The following TET3 variants were observed in gnomAD, a reference collection of about 807,000 sequenced individuals.
The protein encoded by TET3 is tet methylcytosine dioxygenase 3, also known as methylcytosine dioxygenase TET3.
Under a neutral mutation model 141.4 loss-of-function variants are expected in TET3, and 19 were observed. That is an observed-to-expected ratio of 0.13 (90% CI 0.09 to 0.20). TET3 has a LOEUF of 0.20. Ranked by LOEUF, TET3 falls within the 10% of genes least tolerant of loss-of-function variation. TET3 has a pLI of 1.00. For synonymous variants in TET3, 1,043 were observed against 980.9 expected (o/e 1.06, Z -1.18); for missense variants, 1,874 against 2,356.9 (o/e 0.80, Z 4.24).
At chr2:74,026,105 C>T (rs1410556113) in intron 3 of TET3, among the ~76,000 whole-genome samples, 1 of 152,140 alleles carries the variant, frequency 6.6e-6, no homozygotes, top group Non-Finnish European at 1.5e-5. Flanking sequence ...TCTGCTCTCC[C>T]CTTTGCCCCT....
chr2:74,014,013 T>C (rs1300938569), intron 3 of TET3, among the ~76,000 whole-genome samples: 4 of 152,176 alleles, frequency 2.6e-5, no homozygotes, highest in African/African-American at 9.6e-5. Context: ...GGTTTTTTTT[T>C]AACTTTCTTC....
In TET3 at chr2:74,043,426, C is replaced by T. The variant is rs918747150; in HGVS notation, c.361-2852C>T. ...TCATTGAGATTTGGACCCTGCCTGC[C>T]TGGAGCCACCATCAAGTGGGGGAGG... is the stretch of plus-strand genomic sequence containing the variant. On this transcript the variant is annotated intron_variant, in intron 3 of 11. Transcript: ENST00000409262. Among the ~76,000 whole-genome samples, 6 of 152,156 alleles carry T rather than the reference C, an allele frequency of 3.9e-5. No individual in the cohort carries two copies. The East Asian group carries it at 9.6e-4, about 24-fold the overall frequency.
In TET3 at chr2:74,058,868, A is replaced by G. The variant is rs1688350226; in HGVS notation, c.2494+10457A>G. 2.0e-5 allele frequency among the ~76,000 whole-genome samples: 3 copies of G among 152,238 alleles called. No homozygotes were observed. The South Asian group carries it at 6.2e-4, about 31-fold the overall frequency. ...GTTTTTATGTTTTTAAATGGTTGAAAAAAAAAGTCAGTTGAAGAATAACAT... is the reference window on the plus strand; with the variant it reads ...GTTTTTATGTTTTTAAATGGTTGAAGAAAAAAGTCAGTTGAAGAATAACAT... On this transcript the variant is annotated intron_variant, in intron 4 of 11. Coordinates refer to ENST00000409262, the MANE Select transcript of TET3 (RefSeq NM_001287491.2).
chr2:74,059,960 G>A (rs570181556), intron 4 of TET3, among the ~76,000 whole-genome samples: 2 of 152,214 alleles, frequency 1.3e-5, no homozygotes, highest in Admixed American at 6.5e-5. Context: ...TCCAACTTGG[G>A]GTTATTATGA....
At chr2:74,070,242 T>G (rs1689130222) in intron 4 of TET3, among the ~76,000 whole-genome samples, 1 of 152,206 alleles carries the variant, frequency 6.6e-6, no homozygotes, top group African/African-American at 2.4e-5. Flanking sequence ...TTTAATGGAC[T>G]CACAGTTCCA....
intron 4 of TET3, among the ~76,000 whole-genome samples, chr2:74,071,076 G>A (rs1371106571): frequency 6.6e-6 from 1 of 152,182 alleles, no homozygotes; most frequent in Non-Finnish European, 1.5e-5. Context: ...AGCAGATCTG[G>A]TGTCTGTCGA....
intron 4 of TET3, among the ~76,000 whole-genome samples, chr2:74,054,927 A>G (rs573715867): frequency 1.3e-5 from 2 of 152,186 alleles, no homozygotes; most frequent in African/African-American, 4.8e-5. Flanking sequence ...ATGGGGTCTC[A>G]CTGTGTCACT....
In TET3 at chr2:74,103,656, A is replaced by C. The variant is rs550357903; in HGVS notation, c.*1480A>C. On this transcript the variant is annotated 3_prime_UTR_variant, in exon 12 of 12. Coordinates refer to ENST00000409262, the MANE Select transcript of TET3 (RefSeq NM_001287491.2). Reference sequence around the variant, plus strand: ...CTTTGAAATGAGAATGTGGTGCTTAATTTTTGTGACGTTGTCGAGAGAGGT... The same window carrying C: ...CTTTGAAATGAGAATGTGGTGCTTACTTTTTGTGACGTTGTCGAGAGAGGT... 6 of 152,808 alleles carry C rather than the reference A, an allele frequency of 3.9e-5. No homozygotes were observed. In the East Asian group the frequency reaches 7.7e-4, roughly 20 times the overall value. 9.5% of individuals were successfully genotyped at this position (152,808 alleles called of 1,614,324 possible).
chr2:74,069,108 A>T (rs1357468277), intron 4 of TET3, among the ~76,000 whole-genome samples: 1 of 150,780 alleles, frequency 6.6e-6, no homozygotes, highest in African/African-American at 2.4e-5. Context: ...ATTTTTTAAA[A>T]CTTCCATTTT....
chr2:74,105,534 G>A lies in TET3; in HGVS notation c.*3358G>A, dbSNP rs766227701. On this transcript the variant is annotated 3_prime_UTR_variant, in exon 12 of 12. Transcript: ENST00000409262. Reference sequence around the variant, plus strand: ...GGTTTTGGGTCTGGCTTTTAGCAGGGCCAATGTTTCCCACACCCCGGCTTC... The same window carrying A: ...GGTTTTGGGTCTGGCTTTTAGCAGGACCAATGTTTCCCACACCCCGGCTTC... The A allele has an allele frequency of 2.4e-4, 96 of 398,142 alleles. No individual in the cohort carries two copies. Among genetic ancestry groups the A allele is most frequent in the Admixed American group, 6.2e-4 (14 of 22,690 alleles). The allele number at this position is 398,142 out of a possible 1,614,324, so 24.7% of individuals were successfully genotyped here. A position where few individuals can be genotyped will look rare whatever the true frequency, so the allele number is the denominator to read the frequency against.
At chr2:74,057,443 A>G (rs925143997) in intron 4 of TET3, among the ~76,000 whole-genome samples, 1 of 152,218 alleles carries the variant, frequency 6.6e-6, no homozygotes, top group Non-Finnish European at 1.5e-5. Flanking sequence ...TTTCAAACTA[A>G]TAATTGAAAC....
At position 74,047,474 on chromosome 2, in the gene TET3, C is replaced by T. The variant is rs1307334914; in HGVS notation, c.1557C>T (p.Asp519=). The stretch of plus-strand genomic sequence containing the variant: ...CTCCCACGCCATCCTCGGAGCCCGA[C>T]ACCCACCAGAAGGCCCAGACCGCCC... ...REAPTPSSEP[D]THQKAQTALQ... is the part of the protein sequence containing the mutation. The change falls in exon 4 of 12, where the codon GAC becomes GAT. Residue 519 remains aspartate (D), a synonymous_variant. Transcript: ENST00000409262. 2 of 1,612,688 alleles carry T rather than the reference C, an allele frequency of 1.2e-6. No individual in the cohort carries two copies. The highest frequency in any genetic ancestry group is 1.7e-4 in the Middle Eastern group (1 of 6,060).
At chr2:74,023,847 C>CA (rs1243914901) in intron 3 of TET3, among the ~76,000 whole-genome samples, 1 of 151,944 alleles carries the variant, frequency 6.6e-6, no homozygotes, top group East Asian at 1.9e-4. Context: ...CCAGTCTTGT[C>CA]AGAGGTTTGT....
At chr2:74,125,476 T>C in the TET3 span, among the ~76,000 whole-genome samples, 1 of 152,216 alleles carries the variant, frequency 6.6e-6, no homozygotes, top group Non-Finnish European at 1.5e-5. Flanking sequence ...TTTTTCATGC[T>C]GAGATGAAGC....
Position 74,048,010 on chromosome 2 carries a change from G to A in TET3, c.2093G>A (p.Gly698Asp), listed in dbSNP as rs1171298698. ...PMTALQPGST[G>D]PLPPADDKLE... ...ACAGCCTTGCAGCCAGGCTCCACTGGCCCTCTTCCCCCTGCCGATGACAAG... is the reference window on the plus strand; with the variant it reads ...ACAGCCTTGCAGCCAGGCTCCACTGACCCTCTTCCCCCTGCCGATGACAAG... Residue 698 changes from glycine (G) to aspartate (D), a missense_variant, in exon 4 of 12, where the codon GGC becomes GAC. Gly to Asp is a moderately conservative substitution (Grantham distance 94). Transcript: ENST00000409262. The A allele has an allele frequency of 6.2e-7, 1 of 1,608,688 alleles. No individual in the cohort carries two copies. The highest frequency in any genetic ancestry group is 1.1e-5 in the South Asian group (1 of 90,386).
At chr2:74,129,464 C>G in the TET3 span, among the ~76,000 whole-genome samples, 1 of 149,892 alleles carries the variant, frequency 6.7e-6, no homozygotes, top group African/African-American at 2.5e-5. Flanking sequence ...GAAACCTCGT[C>G]TCTACAAAAA....
intron 3 of TET3, among the ~76,000 whole-genome samples, chr2:74,034,179 A>G (rs927142574): frequency 2.6e-5 from 4 of 151,212 alleles, no homozygotes; most frequent in African/African-American, 4.8e-5. Context: ...AAAAACAACA[A>G]ACCACCCCCA....
At chr2:74,027,605 A>C (rs6756631) in intron 3 of TET3, among the ~76,000 whole-genome samples, 4,083 of 152,284 alleles carry the variant, frequency 0.027, 181 homozygotes, top group African/African-American at 0.092. Context: ...CATTTCATAT[A>C]AATGGAATGT....
intron 4 of TET3, among the ~76,000 whole-genome samples, chr2:74,062,792 C>T (rs1688666328): frequency 6.6e-6 from 1 of 151,674 alleles, no homozygotes; most frequent in Non-Finnish European, 1.5e-5. Context: ...TTAAACAGCA[C>T]CAAGAAGGTT....
Sources: gnomAD v4.1 joint callset for allele counts (sites outside exome capture counted in the v4.1 genomes callset) on GRCh38, gnomAD v4.1.1 for gene constraint, MANE v1.5 for transcripts, NCBI Gene and HGNC (gene_info 2026-07-23, HGNC 2026-07-21) for gene names.